Variants in ATP6V1C2 observed in about 807,000 individuals in gnomAD.
The protein encoded by ATP6V1C2 is ATPase H+ transporting V1 subunit C2.
Under a neutral mutation model 56.8 loss-of-function variants are expected in ATP6V1C2, and 45 were observed. That is an observed-to-expected ratio of 0.79 (90% CI 0.62 to 1.02). The LOEUF is 1.02. ATP6V1C2 is among the 50% of genes least tolerant of loss of function. ATP6V1C2 has a pLI of 0.00. For synonymous variants in ATP6V1C2, 220 were observed against 201.3 expected (o/e 1.09, Z -0.79); for missense variants, 463 against 519.7 (o/e 0.89, Z 1.06).
chr2:10,746,729 A>G (rs1324005911), intron 3 of ATP6V1C2, among the ~76,000 whole-genome samples: 1 of 152,036 alleles, frequency 6.6e-6, no homozygotes, highest in Non-Finnish European at 1.5e-5. Flanking sequence ...TTTATTTTCT[A>G]TTTGCAAAAG....
intron 5 of ATP6V1C2, 92 bp downstream of exon 5, chr2:10,764,517 G>T: frequency 9.3e-7 from 1 of 1,080,784 alleles, no homozygotes. Context: ...GCCTCAGCCT[G>T]TCCTGACTGG....
chr2:10,771,471 T>G (rs1314451462), intron 6 of ATP6V1C2, among the ~76,000 whole-genome samples: 1 of 152,132 alleles, frequency 6.6e-6, no homozygotes, highest in Non-Finnish European at 1.5e-5. Context: ...GACACTTGAG[T>G]AACTTTAGCT....
chr2:10,766,830 AGAT>A (rs1486967624), intron 5 of ATP6V1C2, among the ~76,000 whole-genome samples: 1 of 152,194 alleles, frequency 6.6e-6, no homozygotes, highest in Non-Finnish European at 1.5e-5. Context: ...ATCGTGCAGA[AGAT>A]TTTAATATAG....
At chr2:10,754,522 G>A (rs961013564) in intron 4 of ATP6V1C2, among the ~76,000 whole-genome samples, 1 of 151,314 alleles carries the variant, frequency 6.6e-6, no homozygotes, top group African/African-American at 2.4e-5. Flanking sequence ...TACCATGCCC[G>A]GCCAATTTTT....
chr2:10,730,491 C>CT (rs1171030304), intron 3 of ATP6V1C2, among the ~76,000 whole-genome samples: 6 of 152,024 alleles, frequency 3.9e-5, no homozygotes, highest in Admixed American at 3.9e-4. Flanking sequence ...TGCTATTTAC[C>CT]TTCTGATTGC....
intron 6 of ATP6V1C2, 118 bp from the exon 7 acceptor site, chr2:10,771,721 C>T: frequency 1.3e-6 from 1 of 769,014 alleles, no homozygotes; most frequent in Non-Finnish European, 2.3e-6. Flanking sequence ...GCTCCAGCAT[C>T]CCTGGCACCC....
intron 4 of ATP6V1C2, among the ~76,000 whole-genome samples, chr2:10,762,841 T>C (rs1239882017): frequency 1.3e-5 from 2 of 151,784 alleles, no homozygotes; most frequent in Admixed American, 1.3e-4. Flanking sequence ...CCTGTCCTCC[T>C]CTCCCCTCCC....
chr2:10,735,591 T>G (rs1662204892), intron 3 of ATP6V1C2, among the ~76,000 whole-genome samples: 1 of 151,946 alleles, frequency 6.6e-6, no homozygotes, highest in South Asian at 2.1e-4. Flanking sequence ...TGGTCTTTTT[T>G]TTTTTTTTCT....
At chr2:10,734,091 G>A (rs185725844) in intron 3 of ATP6V1C2, among the ~76,000 whole-genome samples, 1 of 152,256 alleles carries the variant, frequency 6.6e-6, no homozygotes, top group East Asian at 1.9e-4. Context: ...GCATTTCATG[G>A]GATTCAGTGA....
In ATP6V1C2 at chr2:10,753,975, C is replaced by T; in HGVS notation, c.198-6C>T. 1 of 1,599,478 alleles carries T rather than the reference C, an allele frequency of 6.3e-7. No homozygotes were observed. The highest frequency in any genetic ancestry group is 8.5e-7 in the Non-Finnish European group (1 of 1,171,468). On this transcript the variant is annotated splice_region_variant and splice_polypyrimidine_tract_variant and intron_variant, in intron 3 of 13. Transcript: ENST00000272238. ...CTAACCGGCTCTTTTTCTTCTCTCT[C>T]CAAAGCCTCATAAGGAGAATGGCTC... is the stretch of plus-strand genomic sequence containing the variant.
At chr2:10,757,519 G>A in intron 4 of ATP6V1C2, 1 of 398,530 alleles carries the variant, frequency 2.5e-6, no homozygotes, top group Non-Finnish European at 4.4e-6. Flanking sequence ...CCGGGAAGGT[G>A]GAATCTCGGT....
intron 4 of ATP6V1C2, among the ~76,000 whole-genome samples, chr2:10,754,842 G>T (rs1316886528): frequency 6.6e-6 from 1 of 151,362 alleles, no homozygotes; most frequent in Non-Finnish European, 1.5e-5. Context: ...CTCCCAAAGT[G>T]CTGGGATTAC....
rs920739435 is a variant in ATP6V1C2 at position 10,763,011 on chromosome 2, C to T, written c.284-1320C>T. Among the ~76,000 whole-genome samples, 3 of 152,072 alleles carry T rather than the reference C, an allele frequency of 2.0e-5. No individual in the cohort carries two copies. The highest frequency in any genetic ancestry group is 7.2e-5 in the African/African-American group (3 of 41,400). ...GTCAGCTGGAGTCTTGTTTGGTGACCCCACTGGGCGCTGCTGTTGGGGTTG... is the reference window on the plus strand; with the variant it reads ...GTCAGCTGGAGTCTTGTTTGGTGACTCCACTGGGCGCTGCTGTTGGGGTTG... On this transcript the variant is annotated intron_variant, in intron 4 of 13. Coordinates refer to ENST00000272238, the MANE Select transcript of ATP6V1C2 (RefSeq NM_001039362.2). The surrounding 1 kb of genome is among the most constrained non-coding windows in gnomAD (Gnocchi z 4.2).
intron 2 of ATP6V1C2, among the ~76,000 whole-genome samples, 185 bp downstream of exon 2, chr2:10,723,163 C>T (rs568764822): frequency 6.6e-6 from 1 of 152,148 alleles, no homozygotes; most frequent in South Asian, 2.1e-4. Context: ...ATGCCATAGT[C>T]CCAAATAAAT....
chr2:10,775,682 T>A (rs894060752), intron 10 of ATP6V1C2, among the ~76,000 whole-genome samples: 3 of 151,994 alleles, frequency 2.0e-5, no homozygotes, highest in African/African-American at 7.3e-5. Flanking sequence ...ACGTTTGAAT[T>A]GTGAGCAGGA....
Position 10,764,395 on chromosome 2 carries a change from G to A in ATP6V1C2, c.348G>A (p.Pro116=), listed in dbSNP as rs746366093. 5.6e-6 allele frequency: 9 copies of A among 1,614,076 alleles called. No homozygotes were observed. The highest frequency in any genetic ancestry group is 5.5e-5 in the South Asian group (5 of 91,084). ...TGGCCAAATATCCTGTCAAGCAGCC[G>A]CTCGTGAGTGTGGTGGACACAATAG... ...WDMAKYPVKQ[P]LVSVVDTIAK... Residue 116 remains proline, a synonymous_variant, in exon 5 of 14, where the codon CCG becomes CCA. Transcript: ENST00000272238.
In ATP6V1C2 at chr2:10,722,836, A is replaced by G; in HGVS notation, c.-14A>G. 1 of 1,613,864 alleles carries G rather than the reference A, an allele frequency of 6.2e-7. No individual in the cohort carries two copies. The highest frequency in any genetic ancestry group is 8.5e-7 in the Non-Finnish European group (1 of 1,179,880). On this transcript the variant is annotated 5_prime_UTR_variant, in exon 2 of 14. Transcript: ENST00000272238. ...TGGTTCTGGGCAGTCACTGGGTAAG[A>G]GAAGACTGGAAGCATGTCGGAGTTT...
At chr2:10,737,379 C>T (rs62128979) in intron 3 of ATP6V1C2, among the ~76,000 whole-genome samples, 1 of 147,710 alleles carries the variant, frequency 6.8e-6, no homozygotes, top group Non-Finnish European at 1.5e-5. Flanking sequence ...GCGGAGATCA[C>T]GCCACTGTAC....
chr2:10,771,138 G>A (rs576272696), intron 6 of ATP6V1C2, among the ~76,000 whole-genome samples: 4 of 152,316 alleles, frequency 2.6e-5, no homozygotes, highest in Non-Finnish European at 4.4e-5. Flanking sequence ...CCCTGAGGAG[G>A]GTGTTTCCCA....
Sources: gnomAD v4.1 joint callset for allele counts (sites outside exome capture counted in the v4.1 genomes callset) on GRCh38, gnomAD v4.1.1 for gene constraint, Gnocchi (gnomAD v3.1) non-coding constraint, MANE v1.5 for transcripts, NCBI Gene and HGNC (gene_info 2026-07-23, HGNC 2026-07-21) for gene names.